The following MAG variants were observed in gnomAD, a reference collection of about 807,000 sequenced individuals.
MAG encodes myelin associated glycoprotein, also known as myelin-associated glycoprotein.
MAG carries 30 observed loss-of-function variants against 60.7 expected under a neutral mutation model. The ratio of observed to expected loss-of-function variants is 0.49; its 90% CI spans 0.37 to 0.67. The LOEUF (loss-of-function observed/expected upper bound fraction) is 0.67, where lower values mean the gene tolerates loss of function less well. MAG is among the 30% of genes least tolerant of loss of function. The pLI is 0.00. For synonymous variants in MAG, 384 were observed against 376.8 expected (o/e 1.02, Z -0.22); for missense variants, 795 against 851.7 (o/e 0.93, Z 0.83).
intron 7 of MAG, among the ~76,000 whole-genome samples, chr19:35,306,860 G>T (rs1030507866): frequency 1.3e-5 from 2 of 152,248 alleles, no homozygotes; most frequent in African/African-American, 2.4e-5. Flanking sequence ...AGGCCCAGGA[G>T]CCTGAGTGGC....
At chr19:35,310,855 C>T (rs774895076) in intron 9 of MAG, among the ~76,000 whole-genome samples, 1 of 152,126 alleles carries the variant, frequency 6.6e-6, no homozygotes, top group Non-Finnish European at 1.5e-5. Flanking sequence ...TGGGCTGAGC[C>T]CTTTACACAC....
At chr19:35,299,042 A>G (rs2066425481) in intron 4 of MAG, among the ~76,000 whole-genome samples, 1 of 116,380 alleles carries the variant, frequency 8.6e-6, no homozygotes, top group Admixed American at 8.8e-5. Flanking sequence ...ACACACCCAC[A>G]CCACACACAC....
rs200492748 is a variant in MAG at position 35,297,335 on chromosome 19, ACAC to A, written c.415+1358_415+1360del. Among the ~76,000 whole-genome samples, 309 of 137,490 alleles carry A rather than the reference ACAC, an allele frequency of 2.2e-3. 4 individuals are homozygous for A. The East Asian group carries it at 0.059, about 26-fold the overall frequency. The allele number at this position is 137,490 out of a possible 152,430, so 90.2% of individuals were successfully genotyped here. A position where few individuals can be genotyped will look rare whatever the true frequency, so the allele number is the denominator to read the frequency against. On this transcript the variant is annotated intron_variant, in intron 4 of 10. Coordinates refer to ENST00000392213, the MANE Select transcript of MAG (RefSeq NM_002361.4). Reference sequence around the variant, plus strand: ...CACACCAAACACACACACCACACACACACCACACTACAAAAACCACACACCACA... The same window carrying A: ...CACACCAAACACACACACCACACACACACACTACAAAAACCACACACCACA...
At position 35,302,538 on chromosome 19, in the gene MAG, A is replaced by G. The variant is rs1463459128; in HGVS notation, c.1061A>G (p.Asp354Gly). Residue 354 changes from aspartate (D) to glycine (G), a missense_variant, in exon 7 of 11, where the codon GAC (aspartate) becomes GGC (glycine). By Grantham distance (94) the Asp-to-Gly change is moderately conservative. Transcript: ENST00000392213. ...TTGTGCTCCACACAGAGCAACCCGG[A>G]CCCTATTCTCACCATCTTCAAGGAG... ...SILCSTQSNP[D>G]PILTIFKEKQ... 6.2e-7 allele frequency: 1 copy of G among 1,614,072 alleles called. No individual in the cohort carries two copies. Among genetic ancestry groups the G allele is most frequent in the South Asian group, 1.1e-5 (1 of 91,080 alleles).
rs2066389786 is a variant in MAG, at chr19:35,295,558, G to C, written c.47-55G>C. ...CATGTGGTTGGGGATGGGAGCCGGAGGGGGTGATCGGGTAGGACGTGTCCC... is the reference window on the plus strand; with the variant it reads ...CATGTGGTTGGGGATGGGAGCCGGACGGGGTGATCGGGTAGGACGTGTCCC... On this transcript the variant is annotated intron_variant, in intron 3 of 10. Transcript: ENST00000392213. The surrounding 1 kb of genome is among the most constrained non-coding windows in gnomAD (Gnocchi z 5.8). 1 of 1,596,806 alleles carries C rather than the reference G, an allele frequency of 6.3e-7. No individual in the cohort carries two copies.
In MAG at chr19:35,313,300, G is replaced by A. The variant is rs199895557; in HGVS notation, c.1727G>A (p.Arg576His). 28 of 1,613,480 alleles carry A rather than the reference G, an allele frequency of 1.7e-5. No homozygotes were observed. Among genetic ancestry groups the A allele is most frequent in the East Asian group, 6.7e-5 (3 of 44,872 alleles). Residue 576 changes from arginine (R) to histidine (H), a missense_variant, in exon 11 of 11, where the codon CGC (arginine) becomes CAC (histidine). Transcript: ENST00000392213. ...GGTTTCCCCTCTTAGAGCGAGAGGC[G>A]CCTGGGATCTGAGAGGAGGCTGCTG... is the stretch of plus-strand genomic sequence containing the variant. ...GAPEKYESER[R>H]LGSERRLLGL...
chr19:35,295,629 C>A lies in MAG; in HGVS notation c.63C>A (p.His21Gln). 1.9e-6 allele frequency: 3 copies of A among 1,607,818 alleles called. No individual in the cohort carries two copies. The highest frequency in any genetic ancestry group is 1.7e-6 in the Non-Finnish European group (2 of 1,178,372). The change falls in exon 4 of 11, where the codon CAC becomes CAA. Residue 21 changes from histidine (H) to glutamine (Q), a missense_variant. Coordinates refer to ENST00000392213, the MANE Select transcript of MAG (RefSeq NM_002361.4). The surrounding 1 kb of genome is among the most constrained non-coding windows in gnomAD (Gnocchi z 5.8). ...TGCCCGCAGCCTCCCGAGGGGGTCA[C>A]TGGGGTGCCTGGATGCCCTCGTCCA... ...WIMISASRGG[H>Q]WGAWMPSSIS...
chr19:35,295,283 A>G lies in MAG; in HGVS notation c.-23-103A>G, dbSNP rs555248113. 23 of 862,832 alleles carry G rather than the reference A, an allele frequency of 2.7e-5. No individual in the cohort carries two copies. The highest frequency in any genetic ancestry group is 4.0e-5 in the Non-Finnish European group (22 of 547,650). The allele number at this position is 862,832 out of a possible 1,614,324, so 53.4% of individuals were successfully genotyped here. Reference sequence around the variant, plus strand: ...TAAATAAATGCATAAATAAATAATAATAGCAGCAGCAGCTAACATATGAAT... The same window carrying G: ...TAAATAAATGCATAAATAAATAATAGTAGCAGCAGCAGCTAACATATGAAT... On this transcript the variant is annotated intron_variant, in intron 2 of 10. Transcript: ENST00000392213. The surrounding 1 kb of genome is among the most constrained non-coding windows in gnomAD (Gnocchi z 5.8).
At position 35,309,805 on chromosome 19, in the gene MAG, C is replaced by A. The variant is rs539400836; in HGVS notation, c.1232-69C>A. The A allele has an allele frequency of 1.6e-5, 25 of 1,544,922 alleles. No individual in the cohort carries two copies. In the South Asian group the frequency reaches 2.8e-4, roughly 17 times the overall value. ...TGGCCACACTGGCCTTGCCTTGAGC[C>A]AAGGAGTCTCCGGGGCCGGGCCTCG... On this transcript the variant is annotated intron_variant, in intron 7 of 10. Transcript: ENST00000392213.
chr19:35,307,617 G>A (rs2145621783), intron 7 of MAG, among the ~76,000 whole-genome samples: 1 of 152,330 alleles, frequency 6.6e-6, no homozygotes, highest in South Asian at 2.1e-4. Context: ...AACCTGGGAG[G>A]CAGAGGTTGC....
intron 10 of MAG, chr19:35,312,535 G>C: frequency 1.8e-6 from 1 of 563,866 alleles, no homozygotes; most frequent in Middle Eastern, 4.9e-4. Context: ...CTGTGGCTAG[G>C]GGGTGGAGGG....
At chr19:35,309,708 C>A (rs2066511074) in intron 7 of MAG, 166 bp from the exon 8 acceptor site, 1 of 743,014 alleles carries the variant, frequency 1.3e-6, no homozygotes, top group East Asian at 2.5e-5. Context: ...GAGGTCAAGG[C>A]GCTCTCAGTC....
intron 7 of MAG, among the ~76,000 whole-genome samples, chr19:35,307,154 T>C (rs2066491746): frequency 6.6e-6 from 1 of 152,266 alleles, no homozygotes; most frequent in African/African-American, 2.4e-5. Context: ...TTCGCTGTTA[T>C]TAATGTACTC....
chr19:35,313,609 C>T lies in MAG; in HGVS notation c.*155C>T. 1.5e-6 allele frequency: 1 copy of T among 672,316 alleles called. No individual in the cohort carries two copies. Among genetic ancestry groups the T allele is most frequent in the Admixed American group, 3.0e-5 (1 of 33,172 alleles). 41.6% of individuals were successfully genotyped at this position (672,316 alleles called of 1,614,324 possible). ...GGTCCTGGGGGCCTGACCTCCCCCT[C>T]CTTCCCAGCTGCCCCTCCCTGCCAG... On this transcript the variant is annotated 3_prime_UTR_variant, in exon 11 of 11. Coordinates refer to ENST00000392213, the MANE Select transcript of MAG (RefSeq NM_002361.4).
At chr19:35,303,657 C>T (rs576707816) in intron 7 of MAG, among the ~76,000 whole-genome samples, 11 of 152,284 alleles carry the variant, frequency 7.2e-5, no homozygotes, top group African/African-American at 2.4e-4. Context: ...GAAGACACCA[C>T]GCTTATGAAC....
chr19:35,312,102 A>G (rs555602786), intron 10 of MAG, 85 bp downstream of exon 10: 2 of 1,382,418 alleles, frequency 1.4e-6, no homozygotes, highest in Admixed American at 1.7e-5. Flanking sequence ...GCCAAGGGGC[A>G]GGGGAGTGGG....
chr19:35,310,197 G>A, intron 8 of MAG, 36 bp downstream of exon 8: 4 of 1,579,752 alleles, frequency 2.5e-6, no homozygotes, highest in African/African-American at 1.3e-5. Context: ...AGCCACAGGA[G>A]GGAGCGGGCA....
intron 7 of MAG, among the ~76,000 whole-genome samples, chr19:35,303,559 C>T (rs906624417): frequency 6.6e-6 from 1 of 152,140 alleles, no homozygotes; most frequent in Non-Finnish European, 1.5e-5. Flanking sequence ...TGACCTCATC[C>T]TATGTTATGA....
chr19:35,300,240 C>A lies in MAG; in HGVS notation c.806C>A (p.Pro269Gln). 1 of 1,588,030 alleles carries A rather than the reference C, an allele frequency of 6.3e-7. No homozygotes were observed. The highest frequency in any genetic ancestry group is 1.1e-5 in the South Asian group (1 of 89,626). The stretch of plus-strand genomic sequence containing the variant: ...TGTGGGGCTGACAGCAACCCCCCGC[C>A]GCTGCTGACCTGGATGCGGGACGGG... ...LLCGADSNPP[P>Q]LLTWMRDGTV... The change falls in exon 6 of 11, where the codon CCG becomes CAG. Residue 269 changes from proline to glutamine, a missense_variant. Transcript: ENST00000392213.
Sources: allele counts gnomAD v4.1 joint callset (sites outside exome capture counted in the v4.1 genomes callset), GRCh38; gene constraint gnomAD v4.1.1; non-coding constraint Gnocchi (gnomAD v3.1); transcripts MANE v1.5; gene names NCBI Gene and HGNC (gene_info 2026-07-23, HGNC 2026-07-21).